Variants in NXPE4 observed in about 807,000 individuals in gnomAD.
The protein encoded by NXPE4 is neurexophilin and PC-esterase domain family member 4, also known as NXPE family member 4.
Under a neutral mutation model 33.3 loss-of-function variants are expected in NXPE4, and 42 were observed. That is an observed-to-expected ratio of 1.26 (90% CI 0.98 to 1.63). The LOEUF is 1.63. Ranked by LOEUF, NXPE4 falls within the 40% of genes most tolerant of loss-of-function variation. The pLI is 0.00. For synonymous variants in NXPE4, 253 were observed against 234.9 expected (o/e 1.08, Z -0.71); for missense variants, 709 against 647.6 (o/e 1.09, Z -1.03).
chr11:114,590,405 A>C (rs889612394), intron 2 of NXPE4, among the ~76,000 whole-genome samples: 11 of 152,142 alleles, frequency 7.2e-5, no homozygotes, highest in African/African-American at 2.7e-4. Flanking sequence ...TAAAATCCTC[A>C]AGCAACTGAC....
the NXPE4 span, among the ~76,000 whole-genome samples, chr11:114,631,408 T>A: frequency 6.6e-6 from 1 of 150,996 alleles, no homozygotes; most frequent in Non-Finnish European, 1.5e-5. Flanking sequence ...TCATTCTCAG[T>A]AAACTATCGC....
chr11:114,618,876 G>A, the NXPE4 span, among the ~76,000 whole-genome samples: 4 of 151,832 alleles, frequency 2.6e-5, no homozygotes, highest in Non-Finnish European at 5.9e-5. Flanking sequence ...ATTGCCTCAT[G>A]GGTCACCACT....
the NXPE4 span, among the ~76,000 whole-genome samples, chr11:114,616,298 G>A: frequency 6.6e-6 from 1 of 150,836 alleles, no homozygotes; most frequent in Admixed American, 6.6e-5. Context: ...GTAAGCCCCT[G>A]GATAATAAGT....
upstream of NXPE4, among the ~76,000 whole-genome samples, chr11:114,597,303 C>A (rs1198015240): frequency 6.6e-6 from 1 of 152,072 alleles, no homozygotes; most frequent in Non-Finnish European, 1.5e-5. Flanking sequence ...TCAATATATT[C>A]TTAAATTCAA....
intron 5 of NXPE4, 61 bp from the exon 6 acceptor site, chr11:114,571,534 T>C (rs1430854988): frequency 6.5e-6 from 9 of 1,391,844 alleles, no homozygotes; most frequent in East Asian, 2.3e-5. Flanking sequence ...ATTGAGTAGA[T>C]ATAAAGATGG....
the NXPE4 span, among the ~76,000 whole-genome samples, chr11:114,654,651 G>A: frequency 3.9e-5 from 6 of 151,908 alleles, no homozygotes; most frequent in Admixed American, 2.0e-4. Context: ...AAGACATCTC[G>A]TTCCTTTTTT....
chr11:114,585,927 T>C (rs1949285158), intron 2 of NXPE4, among the ~76,000 whole-genome samples: 1 of 152,136 alleles, frequency 6.6e-6, no homozygotes. Context: ...TTTGTCACCA[T>C]GTGTACAGTA....
At chr11:114,609,491 T>C in the NXPE4 span, among the ~76,000 whole-genome samples, 1 of 148,004 alleles carries the variant, frequency 6.8e-6, no homozygotes, top group Non-Finnish European at 1.5e-5. Context: ...AGGGTAACCA[T>C]TGTTACCTGG....
At chr11:114,607,261 C>T in the NXPE4 span, among the ~76,000 whole-genome samples, 1 of 151,822 alleles carries the variant, frequency 6.6e-6, no homozygotes. Context: ...ATACGTGTTG[C>T]CTCATGGGTA....
chr11:114,677,391 CACAT>C, the NXPE4 span, among the ~76,000 whole-genome samples: 3 of 152,046 alleles, frequency 2.0e-5, no homozygotes, highest in Admixed American at 1.3e-4. Context: ...ACACTGTAAA[CACAT>C]ACATTTTTTA....
chr11:114,578,443 G>T (rs1211731680), intron 5 of NXPE4, among the ~76,000 whole-genome samples: 1 of 152,132 alleles, frequency 6.6e-6, no homozygotes, highest in African/African-American at 2.4e-5. Context: ...TGATGCTAAA[G>T]GCTGTTACTA....
the NXPE4 span, among the ~76,000 whole-genome samples, chr11:114,655,488 A>T: frequency 6.6e-6 from 1 of 152,042 alleles, no homozygotes; most frequent in South Asian, 2.1e-4. Context: ...ATCCATCTTG[A>T]GTGAATTTTT....
At chr11:114,629,068 T>C in the NXPE4 span, among the ~76,000 whole-genome samples, 1 of 152,008 alleles carries the variant, frequency 6.6e-6, no homozygotes, top group Admixed American at 6.6e-5. Context: ...ACCAGATGGA[T>C]TCACAGTCGA....
the NXPE4 span, among the ~76,000 whole-genome samples, chr11:114,623,688 C>T: frequency 0.18 from 27,363 of 152,096 alleles, 2,833 homozygotes; most frequent in Non-Finnish European, 0.22. Flanking sequence ...AGCATTGCCT[C>T]GTGGGAAAAC....
upstream of NXPE4, among the ~76,000 whole-genome samples, chr11:114,596,680 A>G (rs1949575903): frequency 6.6e-6 from 1 of 152,084 alleles, no homozygotes; most frequent in Admixed American, 6.6e-5. Flanking sequence ...TAAATTTTTC[A>G]CTGAGGAGCC....
chr11:114,579,298 G>A (rs544832018), intron 5 of NXPE4, among the ~76,000 whole-genome samples: 3 of 152,232 alleles, frequency 2.0e-5, no homozygotes, highest in African/African-American at 4.8e-5. Context: ...ATCCACCTCC[G>A]TGACCCAAAC....
chr11:114,676,517 C>T, the NXPE4 span, among the ~76,000 whole-genome samples: 2 of 151,784 alleles, frequency 1.3e-5, no homozygotes, highest in African/African-American at 4.8e-5. Context: ...AATGTCAAGC[C>T]TCACTAATCA....
At chr11:114,673,213 C>T in the NXPE4 span, among the ~76,000 whole-genome samples, 51 of 151,148 alleles carry the variant, frequency 3.4e-4, 1 homozygote, top group South Asian at 9.1e-3. Context: ...TTAAACAACA[C>T]ACTACTAAAT....
the NXPE4 span, among the ~76,000 whole-genome samples, chr11:114,632,448 T>C: frequency 7.7e-6 from 1 of 130,050 alleles, no homozygotes. Context: ...AATATATAAT[T>C]TATAAGAGTT....
Sources: allele counts gnomAD v4.1 joint callset (sites outside exome capture counted in the v4.1 genomes callset), GRCh38; gene constraint gnomAD v4.1.1; transcripts MANE v1.5; gene names NCBI Gene and HGNC (gene_info 2026-07-23, HGNC 2026-07-21).